Variants in PITPNC1 observed in about 807,000 individuals in gnomAD.
The protein encoded by PITPNC1 is phosphatidylinositol transfer protein cytoplasmic 1, also known as cytoplasmic phosphatidylinositol transfer protein 1.
A neutral mutation model predicts 44.7 loss-of-function variants in PITPNC1; 18 were observed. The ratio of observed to expected loss-of-function variants is 0.40; its 90% CI spans 0.28 to 0.60. PITPNC1 has a LOEUF of 0.60. Among genes scored for constraint, PITPNC1 ranks in the 20% least tolerant of loss-of-function variants. The pLI is 0.39. For synonymous variants in PITPNC1, 141 were observed against 149.6 expected (o/e 0.94, Z 0.42); for missense variants, 290 against 418.4 (o/e 0.69, Z 2.68).
At chr17:67,640,399 G>T (rs1017093418) in intron 6 of PITPNC1, among the ~76,000 whole-genome samples, 1 of 152,192 alleles carries the variant, frequency 6.6e-6, no homozygotes, top group African/African-American at 2.4e-5. Context: ...GAGAGAGAAG[G>T]CCAGGCACAG....
At chr17:67,545,824 C>T (rs1187243704) in intron 2 of PITPNC1, among the ~76,000 whole-genome samples, 1 of 152,058 alleles carries the variant, frequency 6.6e-6, no homozygotes, top group East Asian at 1.9e-4. Context: ...GTTCTAGGTG[C>T]TGGGGTTGCA....
chr17:67,505,659 T>C (rs1026443379), intron 1 of PITPNC1, among the ~76,000 whole-genome samples: 10 of 152,162 alleles, frequency 6.6e-5, no homozygotes, highest in Admixed American at 5.9e-4. Context: ...TTTTTTTTAG[T>C]AGAGATGGGG....
chr17:67,618,364 CAAAA>C (rs11417487), intron 5 of PITPNC1, among the ~76,000 whole-genome samples: 1 of 76,874 alleles, frequency 1.3e-5, no homozygotes, highest in Admixed American at 2.0e-4. Context: ...GACTCCGTCT[CAAAA>C]AAAAAAAAAA....
intron 1 of PITPNC1, among the ~76,000 whole-genome samples, chr17:67,519,278 G>T (rs1314145745): frequency 6.9e-6 from 1 of 145,350 alleles, no homozygotes; most frequent in Non-Finnish European, 1.5e-5. Context: ...CTGGGTTCAA[G>T]CAATTCTCCT....
At chr17:67,467,664 C>A (rs2039448065) in intron 1 of PITPNC1, among the ~76,000 whole-genome samples, 1 of 152,144 alleles carries the variant, frequency 6.6e-6, no homozygotes, top group East Asian at 1.9e-4. Flanking sequence ...TACTGTCACT[C>A]AGGGCAAGCT....
chr17:67,423,178 A>C (rs1242878023), intron 1 of PITPNC1, among the ~76,000 whole-genome samples: 1 of 152,196 alleles, frequency 6.6e-6, no homozygotes, highest in Non-Finnish European at 1.5e-5. Context: ...TTTTTGTGGC[A>C]GATTGATTTT....
rs147401764 is a variant in PITPNC1 at position 67,671,032 on chromosome 17, C to T, written c.618+1369C>T. Among the ~76,000 whole-genome samples, 961 of 152,058 alleles carry T rather than the reference C, an allele frequency of 6.3e-3. 7 individuals are homozygous for T. The highest frequency in any genetic ancestry group is 0.022 in the African/African-American group (925 of 41,494). ...GAGTAGCTGGGACTACTGGGAGGTG[C>T]GCACGCCACCATGCCCAGCTAATTT... On this transcript the variant is annotated intron_variant, in intron 7 of 8. Transcript: ENST00000581322.
intron 1 of PITPNC1, among the ~76,000 whole-genome samples, chr17:67,422,315 G>A (rs2038682499): frequency 6.6e-6 from 1 of 152,214 alleles, no homozygotes; most frequent in African/African-American, 2.4e-5. Context: ...TTTGGAGACA[G>A]ACTGAGTTTG....
intron 1 of PITPNC1, among the ~76,000 whole-genome samples, chr17:67,519,042 T>C (rs1411295652): frequency 6.6e-6 from 1 of 152,310 alleles, no homozygotes; most frequent in East Asian, 1.9e-4. Flanking sequence ...GAAAACAGTT[T>C]GGTGGTTACT....
chr17:67,496,898 G>A (rs539883424), intron 1 of PITPNC1, among the ~76,000 whole-genome samples: 1 of 151,710 alleles, frequency 6.6e-6, no homozygotes, highest in East Asian at 1.9e-4. Flanking sequence ...CTTCTCTGCA[G>A]AGCTTACCAT....
rs566460522 is a variant in PITPNC1, at chr17:67,426,597, G to A, written c.48+48395G>A. On this transcript the variant is annotated intron_variant, in intron 1 of 8. Transcript: ENST00000581322. ...CACAGGGAGGGGAACAACACACACC[G>A]GGGCCTGTTGGAGGGTGGGGGGCGA... 2.6e-4 allele frequency among the ~76,000 whole-genome samples: 39 copies of A among 151,992 alleles called. 1 individual carries two copies. The South Asian group carries it at 8.2e-3, about 32-fold the overall frequency.
At chr17:67,691,951 G>A (rs971641853) in intron 8 of PITPNC1, among the ~76,000 whole-genome samples, 18 of 151,854 alleles carry the variant, frequency 1.2e-4, no homozygotes, top group African/African-American at 3.9e-4. Context: ...CGAGACTGCC[G>A]TGAGTCATGA....
chr17:67,539,206 A>G (rs746763762), intron 2 of PITPNC1, among the ~76,000 whole-genome samples: 4 of 152,248 alleles, frequency 2.6e-5, no homozygotes, highest in African/African-American at 4.8e-5. Flanking sequence ...CTCACTTCCA[A>G]TGCTAGTAAG....
At chr17:67,621,180 C>CATTTTATTTTATTTT (rs10653389) in intron 5 of PITPNC1, among the ~76,000 whole-genome samples, 32,696 of 129,518 alleles carry the variant, frequency 0.25, 4,832 homozygotes, top group Non-Finnish European at 0.28. Flanking sequence ...GTCTGAAGCA[C>CATTTTATTTTATTTT]ATTTTATTTT....
chr17:67,486,517 A>T (rs1440053452), intron 1 of PITPNC1, among the ~76,000 whole-genome samples: 1 of 152,192 alleles, frequency 6.6e-6, no homozygotes, highest in Admixed American at 6.5e-5. Flanking sequence ...CAGCTGGGAT[A>T]CTGCTGTCCA....
intron 1 of PITPNC1, among the ~76,000 whole-genome samples, chr17:67,502,958 A>G (rs2144072867): frequency 6.6e-6 from 1 of 151,948 alleles, no homozygotes; most frequent in Non-Finnish European, 1.5e-5. Flanking sequence ...CACTACGCCC[A>G]GCTAATTTTT....
At chr17:67,471,556 A>T (rs899430888) in intron 1 of PITPNC1, 7 of 377,592 alleles carry the variant, frequency 1.9e-5, no homozygotes, top group Non-Finnish European at 2.5e-5. Flanking sequence ...AACCACAATT[A>T]CTTTTGCACC....
intron 2 of PITPNC1, among the ~76,000 whole-genome samples, chr17:67,542,232 T>G (rs2040619217): frequency 6.6e-6 from 1 of 152,182 alleles, no homozygotes; most frequent in African/African-American, 2.4e-5. Flanking sequence ...AAAAAGTTCT[T>G]GGGCGTATTT....
At chr17:67,409,478 T>C (rs2038459230) in intron 1 of PITPNC1, among the ~76,000 whole-genome samples, 1 of 152,190 alleles carries the variant, frequency 6.6e-6, no homozygotes, top group African/African-American at 2.4e-5. Flanking sequence ...ATCTTGTTCT[T>C]TTTCACTCAA....
Sources: gnomAD v4.1 joint callset for allele counts (sites outside exome capture counted in the v4.1 genomes callset) on GRCh38, gnomAD v4.1.1 for gene constraint, MANE v1.5 for transcripts, NCBI Gene and HGNC (gene_info 2026-07-23, HGNC 2026-07-21) for gene names.